Variants in EEPD1 observed in about 807,000 individuals in gnomAD.
EEPD1 encodes endonuclease/exonuclease/phosphatase family domain-containing protein 1.
In EEPD1, 17 loss-of-function variants were observed where a neutral mutation model predicts 46.3. That is an observed-to-expected ratio of 0.37 (90% confidence interval 0.25 to 0.55). The LOEUF (loss-of-function observed/expected upper bound fraction) is 0.55. EEPD1 is among the 20% of genes least tolerant of loss of function. The pLI is 0.83. For synonymous variants in EEPD1, 313 were observed against 315.6 expected (o/e 0.99, Z 0.09); for missense variants, 673 against 745.6 (o/e 0.90, Z 1.13).
chr7:36,286,632 G>A (rs1787346234), intron 5 of EEPD1, among the ~76,000 whole-genome samples: 1 of 152,188 alleles, frequency 6.6e-6, no homozygotes, highest in Non-Finnish European at 1.5e-5. Flanking sequence ...TAAGCTTTTG[G>A]TTTGGACACG....
intron 2 of EEPD1, among the ~76,000 whole-genome samples, chr7:36,218,155 C>T (rs956807444): frequency 5.9e-5 from 9 of 152,046 alleles, no homozygotes; most frequent in Admixed American, 2.6e-4. Flanking sequence ...CAGGGCAGAG[C>T]CAGTATCATT....
chr7:36,198,310 C>A (rs1785644102), intron 2 of EEPD1, among the ~76,000 whole-genome samples: 1 of 68,288 alleles, frequency 1.5e-5, no homozygotes, highest in African/African-American at 4.8e-5. Context: ...CCTGTAGGCC[C>A]AACCTGGTCT....
chr7:36,193,127 A>T lies in EEPD1; in HGVS notation c.878+37925A>T, dbSNP rs1785487847. ...GGGGGAGGCAAGCCGGGCACAGAGC[A>T]GTGCGTCATGATGGGGGCACAGGAT... On this transcript the variant is annotated intron_variant, in intron 2 of 7. Coordinates refer to ENST00000242108, the MANE Select transcript of EEPD1 (RefSeq NM_030636.3). The surrounding 1 kb of genome is among the most constrained non-coding windows in gnomAD (Gnocchi z 4.9). Among the ~76,000 whole-genome samples, 1 of 152,220 alleles carries T rather than the reference A, an allele frequency of 6.6e-6. No individual in the cohort carries two copies. Among genetic ancestry groups the T allele is most frequent in the Non-Finnish European group, 1.5e-5 (1 of 68,030 alleles).
At chr7:36,215,278 T>G (rs1786010262) in intron 2 of EEPD1, among the ~76,000 whole-genome samples, 2 of 152,148 alleles carry the variant, frequency 1.3e-5, no homozygotes, top group Non-Finnish European at 2.9e-5. Context: ...CCATGCGGGG[T>G]CATCAAGCCC....
At chr7:36,217,992 TCA>T (rs1786060440) in intron 2 of EEPD1, among the ~76,000 whole-genome samples, 1 of 152,236 alleles carries the variant, frequency 6.6e-6, no homozygotes, top group African/African-American at 2.4e-5. Flanking sequence ...TCTTGTGTGT[TCA>T]GTTAATCACT....
At chr7:36,219,733 G>C (rs550624597) in intron 2 of EEPD1, among the ~76,000 whole-genome samples, 24 of 149,792 alleles carry the variant, frequency 1.6e-4, no homozygotes, top group South Asian at 1.5e-3. Context: ...CCTAATTACT[G>C]GCCTGATAGT....
intron 2 of EEPD1, 90 bp downstream of exon 2, chr7:36,155,292 G>A (rs757505911): frequency 1.7e-5 from 24 of 1,402,148 alleles, no homozygotes; most frequent in Non-Finnish European, 2.2e-5. Context: ...TTCTTTTGCG[G>A]GTAGGGAGGG....
At chr7:36,168,117 C>G (rs971513652) in intron 2 of EEPD1, among the ~76,000 whole-genome samples, 2 of 152,200 alleles carry the variant, frequency 1.3e-5, no homozygotes, top group African/African-American at 4.8e-5. Context: ...GCTGTCTGCC[C>G]TGTGGACTGA....
At chr7:36,231,348 A>G (rs1786324265) in intron 2 of EEPD1, among the ~76,000 whole-genome samples, 1 of 152,172 alleles carries the variant, frequency 6.6e-6, no homozygotes, top group Admixed American at 6.5e-5. Flanking sequence ...TCATTTATCT[A>G]AATAAATCAT....
At chr7:36,249,390 T>C (rs964584395) in intron 3 of EEPD1, among the ~76,000 whole-genome samples, 1 of 152,184 alleles carries the variant, frequency 6.6e-6, no homozygotes, top group Non-Finnish European at 1.5e-5. Flanking sequence ...GTCCCCATCC[T>C]TTGACCTGTG....
chr7:36,198,342 G>GAAAAAAAAAAAAAA (rs1361024411), intron 2 of EEPD1, among the ~76,000 whole-genome samples: 3 of 33,098 alleles, frequency 9.1e-5, no homozygotes, highest in African/African-American at 3.6e-4. Context: ...AAAAAGAAAA[G>GAAAAAAAAAAAAAA]AAAAAAAAAA....
At chr7:36,183,429 C>T (rs370390077) in intron 2 of EEPD1, among the ~76,000 whole-genome samples, 16 of 152,260 alleles carry the variant, frequency 1.1e-4, no homozygotes, top group African/African-American at 3.6e-4. Context: ...TGGAGAGCTG[C>T]ACGCCCGGCT....
rs1787620239 is a variant in EEPD1 at position 36,301,406 on chromosome 7, T to C, written c.*2200T>C. On this transcript the variant is annotated 3_prime_UTR_variant, in exon 8 of 8. Coordinates refer to ENST00000242108, the MANE Select transcript of EEPD1 (RefSeq NM_030636.3). ...CACAAAGGGATTCCCATATCCCTCC[T>C]CTTCTTTGCATATTTCCCCCTCTAA... is the stretch of plus-strand genomic sequence containing the variant. 1 of 152,266 alleles carries C rather than the reference T, an allele frequency of 6.6e-6. No homozygotes were observed. The highest frequency in any genetic ancestry group is 6.5e-5 in the Admixed American group (1 of 15,292). The allele number at this position is 152,266 out of a possible 1,614,324, so 9.4% of individuals were successfully genotyped here.
At chr7:36,235,497 C>T (rs1672075032) in intron 2 of EEPD1, among the ~76,000 whole-genome samples, 1 of 152,246 alleles carries the variant, frequency 6.6e-6, no homozygotes, top group Admixed American at 6.5e-5. Flanking sequence ...TCCAGGAATC[C>T]TCTGGCCTTG....
intron 7 of EEPD1, 39 bp downstream of exon 7, chr7:36,297,226 A>G (rs1787541776): frequency 6.2e-7 from 1 of 1,602,604 alleles, no homozygotes; most frequent in Non-Finnish European, 8.5e-7. Context: ...CTGTTCAGGA[A>G]TGGAGTGAGA....
intron 3 of EEPD1, among the ~76,000 whole-genome samples, chr7:36,239,261 G>C (rs1786511583): frequency 6.6e-6 from 1 of 152,146 alleles, no homozygotes; most frequent in African/African-American, 2.4e-5. Context: ...TCTGGGTTGT[G>C]TGCAGGTTGT....
intron 2 of EEPD1, among the ~76,000 whole-genome samples, chr7:36,200,959 G>T (rs1248899251): frequency 6.6e-6 from 1 of 152,144 alleles, no homozygotes; most frequent in African/African-American, 2.4e-5. Context: ...ACCTAAACCA[G>T]ATGACCTGAG....
At chr7:36,175,342 C>T (rs1181253598) in intron 2 of EEPD1, among the ~76,000 whole-genome samples, 3 of 152,146 alleles carry the variant, frequency 2.0e-5, no homozygotes, top group African/African-American at 7.2e-5. Flanking sequence ...GTGATCCTCC[C>T]ACCTCAGCCT....
At chr7:36,162,845 G>A (rs1784921810) in intron 2 of EEPD1, among the ~76,000 whole-genome samples, 1 of 152,150 alleles carries the variant, frequency 6.6e-6, no homozygotes, top group Admixed American at 6.5e-5. Flanking sequence ...CTCCTGAAAT[G>A]CAGTGCTTAA....
Sources: allele counts gnomAD v4.1 joint callset (sites outside exome capture counted in the v4.1 genomes callset), GRCh38; gene constraint gnomAD v4.1.1; non-coding constraint Gnocchi (gnomAD v3.1); transcripts MANE v1.5; gene names NCBI Gene and HGNC (gene_info 2026-07-23, HGNC 2026-07-21).